Variants in MEF2A observed in about 807,000 individuals in gnomAD.
MEF2A encodes the protein myocyte-specific enhancer factor 2A.
Under a neutral mutation model 55.8 loss-of-function variants are expected in MEF2A, and 28 were observed. That is an observed-to-expected ratio of 0.50 (90% CI 0.37 to 0.69). The LOEUF (loss-of-function observed/expected upper bound fraction) is 0.69. MEF2A is among the 30% of genes least tolerant of loss of function. MEF2A has a pLI of 0.00. For missense variants in MEF2A, 528 were observed against 626.2 expected, an observed-to-expected ratio of 0.84 and a Z score of 1.67; for synonymous variants, 239 against 227.1, an observed-to-expected ratio of 1.05 and a Z score of -0.47.
chr15:99,709,819 G>A lies in MEF2A; in HGVS notation c.1010-815G>A, dbSNP rs915093913. On this transcript the variant is annotated intron_variant, in intron 10 of 11. Transcript: ENST00000557942. ...TGAGCTGGGTATACTCTAGGACACC[G>A]AGTTTTTTCATGAAGTTGAAACTCT... Among the ~76,000 whole-genome samples the A allele has an allele frequency of 5.3e-5, 8 of 152,178 alleles. No individual in the cohort carries two copies. In the East Asian group the frequency reaches 1.3e-3, roughly 26 times the overall value.
intron 2 of MEF2A, among the ~76,000 whole-genome samples, chr15:99,616,658 C>T (rs1221125276): frequency 6.6e-6 from 1 of 151,842 alleles, no homozygotes; most frequent in African/African-American, 2.4e-5. Context: ...GAGATTTAGT[C>T]TTAGGTATAT....
At chr15:99,627,140 A>T (rs1462253307) in intron 2 of MEF2A, among the ~76,000 whole-genome samples, 16 of 152,080 alleles carry the variant, frequency 1.1e-4, no homozygotes, top group Non-Finnish European at 1.5e-5. Flanking sequence ...AAAGGAGGTG[A>T]GGGTGTGAAT....
chr15:99,589,088 A>G (rs1968386526), intron 1 of MEF2A, among the ~76,000 whole-genome samples: 1 of 152,176 alleles, frequency 6.6e-6, no homozygotes, highest in South Asian at 2.1e-4. Context: ...TAAATGTGTT[A>G]GAAAGTGTGT....
At chr15:99,620,870 G>C in intron 2 of MEF2A, 1 of 113,958 alleles carries the variant, frequency 8.8e-6, no homozygotes. Flanking sequence ...TTGGGACATT[G>C]AGTCTCACTC....
At chr15:99,604,080 A>G (rs555906435) in intron 2 of MEF2A, among the ~76,000 whole-genome samples, 24 of 152,008 alleles carry the variant, frequency 1.6e-4, no homozygotes, top group African/African-American at 3.4e-4. Context: ...TAAGTTTTCT[A>G]TTTTCTTTGG....
chr15:99,674,187 G>A (rs2051435564), intron 5 of MEF2A, among the ~76,000 whole-genome samples: 1 of 152,118 alleles, frequency 6.6e-6, no homozygotes, highest in South Asian at 2.1e-4. Flanking sequence ...AATGTATAAA[G>A]TTGAAATTGA....
intron 5 of MEF2A, chr15:99,671,784 T>C (rs1311957855): frequency 6.7e-6 from 7 of 1,048,524 alleles, no homozygotes; most frequent in Non-Finnish European, 1.3e-6. Context: ...ATTTTATTAG[T>C]ATTTTTTATA....
At chr15:99,568,697 A>G (rs1960801170) in intron 1 of MEF2A, among the ~76,000 whole-genome samples, 1 of 152,236 alleles carries the variant, frequency 6.6e-6, no homozygotes, top group African/African-American at 2.4e-5. Context: ...TTGGAAAACC[A>G]TCTTTTTTCC....
intron 8 of MEF2A, among the ~76,000 whole-genome samples, chr15:99,701,665 G>A (rs1382645884): frequency 6.6e-6 from 1 of 151,978 alleles, no homozygotes; most frequent in East Asian, 1.9e-4. Context: ...ATGTGAGGGA[G>A]CTCTCTTTGT....
At chr15:99,627,767 T>C (rs1339068167) in intron 2 of MEF2A, among the ~76,000 whole-genome samples, 3 of 152,320 alleles carry the variant, frequency 2.0e-5, no homozygotes, top group African/African-American at 4.8e-5. Context: ...TGCTAAACAT[T>C]TTTCTAATTG....
At chr15:99,632,512 C>G (rs1353569296) in intron 2 of MEF2A, among the ~76,000 whole-genome samples, 1 of 152,110 alleles carries the variant, frequency 6.6e-6, no homozygotes, top group Non-Finnish European at 1.5e-5. Flanking sequence ...GTGCTGGAAC[C>G]AGATTCCCTG....
intron 2 of MEF2A, among the ~76,000 whole-genome samples, chr15:99,615,417 G>A (rs2040025054): frequency 6.6e-6 from 1 of 152,056 alleles, no homozygotes; most frequent in Non-Finnish European, 1.5e-5. Context: ...AATGGGTATT[G>A]CATTATTTTA....
At position 99,565,997 on chromosome 15, in the gene MEF2A, T is replaced by A. The variant is rs917554623; in HGVS notation, c.-332T>A. 1 of 152,222 alleles carries A rather than the reference T, an allele frequency of 6.6e-6. No individual in the cohort carries two copies. Among genetic ancestry groups the A allele is most frequent in the South Asian group, 2.1e-4 (1 of 4,834 alleles). 9.4% of individuals were successfully genotyped at this position (152,222 alleles called of 1,614,324 possible). ...CCCGGTGTGGGGATCCGTGCGCGGA[T>A]GTCCCGGCGAGTCCCGGGCTGAAAG... is the stretch of plus-strand genomic sequence containing the variant. On this transcript the variant is annotated 5_prime_UTR_variant, in exon 1 of 12. It removes an upstream start codon present in the reference 5' UTR. Transcript: ENST00000557942.
chr15:99,611,073 C>G (rs1321382571), intron 2 of MEF2A, among the ~76,000 whole-genome samples: 1 of 152,128 alleles, frequency 6.6e-6, no homozygotes, highest in Non-Finnish European at 1.5e-5. Flanking sequence ...GAAACCCCAT[C>G]CCTACTAAAA....
intron 4 of MEF2A, among the ~76,000 whole-genome samples, chr15:99,651,614 A>G (rs947352233): frequency 2.6e-5 from 4 of 152,190 alleles, no homozygotes; most frequent in Non-Finnish European, 5.9e-5. Context: ...GGTGAGGCAC[A>G]TAGTCCTCAT....
At chr15:99,677,423 C>A (rs1355213926) in intron 7 of MEF2A, among the ~76,000 whole-genome samples, 2 of 151,914 alleles carry the variant, frequency 1.3e-5, no homozygotes, top group South Asian at 2.1e-4. Flanking sequence ...AACAAAAAAA[C>A]CCCGTAATGT....
rs544589201 is a variant in MEF2A, at chr15:99,691,913, C to A, written c.858+1485C>A. On this transcript the variant is annotated intron_variant, in intron 8 of 11. Transcript: ENST00000557942. ...TCTCATTTGTTTTTGAGTCTTAAGTCTGTTTGTAAAGAACAGGAGAATCTA... is the reference window on the plus strand; with the variant it reads ...TCTCATTTGTTTTTGAGTCTTAAGTATGTTTGTAAAGAACAGGAGAATCTA... 2.0e-5 allele frequency among the ~76,000 whole-genome samples: 3 copies of A among 152,206 alleles called. No individual in the cohort carries two copies. The East Asian group carries it at 5.8e-4, about 29-fold the overall frequency.
intron 3 of MEF2A, among the ~76,000 whole-genome samples, chr15:99,644,386 G>A (rs1005616410): frequency 8.5e-5 from 13 of 152,204 alleles, no homozygotes; most frequent in Non-Finnish European, 2.9e-5. Flanking sequence ...AATTGTACAT[G>A]TGAAATGAAT....
At chr15:99,608,934 C>T (rs1286374768) in intron 2 of MEF2A, among the ~76,000 whole-genome samples, 1 of 151,778 alleles carries the variant, frequency 6.6e-6, no homozygotes, top group East Asian at 1.9e-4. Flanking sequence ...TTTTGTTGTT[C>T]TGATTTTAGG....
Sources: gnomAD v4.1 joint callset for allele counts (sites outside exome capture counted in the v4.1 genomes callset) on GRCh38, gnomAD v4.1.1 for gene constraint, MANE v1.5 for transcripts, NCBI Gene and HGNC (gene_info 2026-07-23, HGNC 2026-07-21) for gene names.